Variants in PTPRT observed in about 807,000 individuals in gnomAD.
PTPRT encodes the protein protein tyrosine phosphatase receptor type T.
A neutral mutation model predicts 176.8 loss-of-function variants in PTPRT; 56 were observed. The ratio of observed to expected loss-of-function variants is 0.32; its 90% CI spans 0.26 to 0.40. PTPRT has a LOEUF of 0.40. PTPRT is among the 10% of genes least tolerant of loss of function. The probability of loss-of-function intolerance (pLI) is 1.00; values close to 1 mark genes in which losing one functional copy is unlikely to be tolerated. For missense variants in PTPRT, 1,540 were observed against 1,908.2 expected, an observed-to-expected ratio of 0.81 and a Z score of 3.60; for synonymous variants, 783 against 739.0, an observed-to-expected ratio of 1.06 and a Z score of -0.96.
intron 7 of PTPRT, among the ~76,000 whole-genome samples, chr20:42,505,005 C>T (rs540751334): frequency 6.6e-6 from 1 of 152,054 alleles, no homozygotes; most frequent in Non-Finnish European, 1.5e-5. Flanking sequence ...GCAGAGCATA[C>T]CTACGATATA....
intron 1 of PTPRT, among the ~76,000 whole-genome samples, chr20:43,092,096 T>C (rs1419940198): frequency 2.6e-5 from 4 of 152,084 alleles, no homozygotes; most frequent in African/African-American, 9.7e-5. Context: ...CAAGGACACA[T>C]GGGAAAGTGG....
At chr20:43,031,137 T>C (rs1986122138) in intron 1 of PTPRT, among the ~76,000 whole-genome samples, 1 of 152,068 alleles carries the variant, frequency 6.6e-6, no homozygotes, top group Non-Finnish European at 1.5e-5. Flanking sequence ...CAACCAGGCT[T>C]TGGATATGGG....
intron 7 of PTPRT, among the ~76,000 whole-genome samples, chr20:42,540,566 C>CT (rs995176578): frequency 6.6e-6 from 1 of 152,016 alleles, no homozygotes. Context: ...TCTGGGAGAG[C>CT]TTTCTGTAGG....
chr20:43,185,769 T>C (rs1422064683), intron 1 of PTPRT, among the ~76,000 whole-genome samples: 1 of 151,840 alleles, frequency 6.6e-6, no homozygotes, highest in Non-Finnish European at 1.5e-5. Flanking sequence ...CCCGTCTCTA[T>C]AAAAATACAA....
chr20:42,221,297 T>C (rs1484619269), intron 15 of PTPRT, among the ~76,000 whole-genome samples: 1 of 151,904 alleles, frequency 6.6e-6, no homozygotes, highest in Non-Finnish European at 1.5e-5. Context: ...AGCTACTGCA[T>C]CTGGCTAGTT....
chr20:43,040,007 C>T (rs1432705210), intron 1 of PTPRT, among the ~76,000 whole-genome samples: 3 of 151,744 alleles, frequency 2.0e-5, no homozygotes, highest in African/African-American at 7.3e-5. Context: ...TACCGTTGCA[C>T]TCCAGCCTGG....
At chr20:42,717,376 A>G (rs1056255690) in intron 6 of PTPRT, among the ~76,000 whole-genome samples, 2 of 152,152 alleles carry the variant, frequency 1.3e-5, no homozygotes, top group South Asian at 2.1e-4. Context: ...GACACCTGAT[A>G]TATTATAAAG....
chr20:42,530,867 A>T (rs1297701446), intron 7 of PTPRT, among the ~76,000 whole-genome samples: 2 of 152,164 alleles, frequency 1.3e-5, no homozygotes, highest in African/African-American at 4.8e-5. Context: ...CCTGGGATAA[A>T]TTGGATGTCA....
chr20:42,117,865 C>A (rs1341652900), intron 21 of PTPRT, among the ~76,000 whole-genome samples: 1 of 151,878 alleles, frequency 6.6e-6, no homozygotes. Context: ...CTAAGGGGAA[C>A]AATTTGGCAA....
chr20:42,476,181 C>T (rs2071285548), intron 7 of PTPRT, among the ~76,000 whole-genome samples: 1 of 152,182 alleles, frequency 6.6e-6, no homozygotes, highest in African/African-American at 2.4e-5. Flanking sequence ...GAGAGAATTG[C>T]CTTTCTTGGA....
At chr20:42,754,499 G>A (rs140462327) in intron 6 of PTPRT, among the ~76,000 whole-genome samples, 23 of 151,734 alleles carry the variant, frequency 1.5e-4, no homozygotes, top group African/African-American at 5.6e-4. Flanking sequence ...GGCTGGTCTC[G>A]AACTCCTGGC....
chr20:43,109,815 A>C (rs192585827), intron 1 of PTPRT, among the ~76,000 whole-genome samples: 419 of 152,276 alleles, frequency 2.8e-3, no homozygotes, highest in Non-Finnish European at 5.0e-3. Flanking sequence ...CTCCAAGCAA[A>C]GAGCTAAGTA....
At chr20:42,040,355 G>A in the PTPRT span, among the ~76,000 whole-genome samples, 4 of 152,242 alleles carry the variant, frequency 2.6e-5, no homozygotes, top group African/African-American at 9.6e-5. Context: ...TTTTCAGTCA[G>A]GGTGGGCTAG....
chr20:43,025,108 C>T lies in PTPRT; in HGVS notation c.89-139176G>A, dbSNP rs1013519766. 3.3e-5 allele frequency among the ~76,000 whole-genome samples: 5 copies of T among 152,196 alleles called. No homozygotes were observed. In the East Asian group the frequency reaches 9.6e-4, roughly 29 times the overall value. On this transcript the variant is annotated intron_variant, in intron 1 of 30. Coordinates refer to ENST00000373187, the MANE Select transcript of PTPRT (RefSeq NM_007050.6). ...CTTTGTTGGTGTCTGTATCCACTTA[C>T]AGGATAACCTGTTCTCCCAATAGAC...
At chr20:42,316,029 G>A in intron 11 of PTPRT, 33 bp from the exon 12 acceptor site, 1 of 1,606,742 alleles carries the variant, frequency 6.2e-7, no homozygotes, top group Non-Finnish European at 8.5e-7. Flanking sequence ...AGATGGTTGA[G>A]CAACTTTCTG....
chr20:42,290,974 C>T (rs574675568), intron 12 of PTPRT, among the ~76,000 whole-genome samples: 1 of 152,272 alleles, frequency 6.6e-6, no homozygotes, highest in South Asian at 2.1e-4. Flanking sequence ...CTCTATTAGA[C>T]TCCTCATTTA....
chr20:42,415,217 T>C (rs1487033748), intron 9 of PTPRT, among the ~76,000 whole-genome samples: 1 of 152,222 alleles, frequency 6.6e-6, no homozygotes, highest in Non-Finnish European at 1.5e-5. Context: ...GGTCTTGCTC[T>C]GTTGCTCAGG....
At chr20:42,740,140 G>T (rs1485554936) in intron 6 of PTPRT, among the ~76,000 whole-genome samples, 1 of 152,170 alleles carries the variant, frequency 6.6e-6, no homozygotes, top group African/African-American at 2.4e-5. Context: ...TGCCCTTGAG[G>T]TTGTTAAACT....
chr20:42,510,408 A>G (rs185227920), intron 7 of PTPRT, among the ~76,000 whole-genome samples: 1 of 152,132 alleles, frequency 6.6e-6, no homozygotes, highest in African/African-American at 2.4e-5. Context: ...TGCTTGGGTT[A>G]TAGTTTTAAC....
Sources: allele counts gnomAD v4.1 joint callset (sites outside exome capture counted in the v4.1 genomes callset), GRCh38; gene constraint gnomAD v4.1.1; transcripts MANE v1.5; gene names NCBI Gene and HGNC (gene_info 2026-07-23, HGNC 2026-07-21).